The following RIMS2 variants were observed in gnomAD, a reference collection of about 807,000 sequenced individuals.
RIMS2 encodes regulating synaptic membrane exocytosis protein 2.
A neutral mutation model predicts 174.4 loss-of-function variants in RIMS2; 59 were observed. The ratio of observed to expected loss-of-function variants is 0.34; its 90% CI spans 0.27 to 0.42. RIMS2 has a LOEUF of 0.42. Ranked by LOEUF, RIMS2 falls within the 10% of genes least tolerant of loss-of-function variation. The probability of loss-of-function intolerance (pLI) is 1.00; values close to 1 mark genes in which losing one functional copy is unlikely to be tolerated. For missense variants in RIMS2, 1,620 were observed against 1,666.3 expected (o/e 0.97, Z 0.48); for synonymous variants, 606 against 572.5 (o/e 1.06, Z -0.84).
At chr8:104,164,965 C>G (rs531986674) in intron 19 of RIMS2, among the ~76,000 whole-genome samples, 1 of 151,984 alleles carries the variant, frequency 6.6e-6, no homozygotes, top group South Asian at 2.1e-4. Context: ...ACTTAAAATA[C>G]AAGTTAAAAA....
chr8:104,091,683 T>A (rs12155654), intron 19 of RIMS2, among the ~76,000 whole-genome samples: 41,861 of 150,418 alleles, frequency 0.28, 6,703 homozygotes, highest in African/African-American at 0.44. Flanking sequence ...TATAACATGG[T>A]TAATGTTGAC....
At chr8:104,191,600 CA>C (rs1194252078) in intron 19 of RIMS2, among the ~76,000 whole-genome samples, 1 of 152,106 alleles carries the variant, frequency 6.6e-6, no homozygotes, top group Non-Finnish European at 1.5e-5. Context: ...TTAGCCGTTT[CA>C]AGGAAATTAT....
At chr8:103,814,200 G>A (rs2098705149) in intron 3 of RIMS2, among the ~76,000 whole-genome samples, 2 of 152,092 alleles carry the variant, frequency 1.3e-5, no homozygotes, top group African/African-American at 4.8e-5. Flanking sequence ...TACATGATGA[G>A]AACACGTGGA....
At chr8:103,543,496 A>G (rs955359614) in intron 1 of RIMS2, among the ~76,000 whole-genome samples, 13 of 152,204 alleles carry the variant, frequency 8.5e-5, no homozygotes, top group African/African-American at 2.2e-4. Flanking sequence ...ACAGAAGCAG[A>G]AAAACAATCC....
intron 1 of RIMS2, among the ~76,000 whole-genome samples, chr8:103,554,020 C>G (rs1439128980): frequency 2.6e-5 from 4 of 152,118 alleles, no homozygotes; most frequent in Non-Finnish European, 5.9e-5. Context: ...AAGCTGGACC[C>G]CTTCCTTATA....
intron 19 of RIMS2, among the ~76,000 whole-genome samples, chr8:104,183,224 T>C (rs941539451): frequency 6.6e-6 from 1 of 151,780 alleles, no homozygotes; most frequent in South Asian, 2.1e-4. Flanking sequence ...TTTCTAATTA[T>C]TTAATCTATG....
chr8:103,814,282 G>A (rs1465021278), intron 3 of RIMS2, among the ~76,000 whole-genome samples: 1 of 151,902 alleles, frequency 6.6e-6, no homozygotes, highest in Non-Finnish European at 1.5e-5. Flanking sequence ...AGGTACAGGA[G>A]TAATAACTAA....
intron 1 of RIMS2, among the ~76,000 whole-genome samples, chr8:103,672,839 TA>T (rs1412460277): frequency 2.0e-5 from 3 of 152,202 alleles, no homozygotes; most frequent in African/African-American, 7.2e-5. Context: ...CCCAACATTG[TA>T]ACTTGTTCTA....
chr8:103,848,398 T>C (rs1323992661), intron 3 of RIMS2, among the ~76,000 whole-genome samples: 1 of 152,002 alleles, frequency 6.6e-6, no homozygotes, highest in Non-Finnish European at 1.5e-5. Context: ...TTAAGTAACT[T>C]GGTTGTCCAA....
chr8:104,215,814 C>T (rs1252430529), intron 19 of RIMS2, among the ~76,000 whole-genome samples: 1 of 152,230 alleles, frequency 6.6e-6, no homozygotes, highest in Admixed American at 6.5e-5. Context: ...GCCACTACCA[C>T]TGCCCTAGGG....
chr8:104,117,212 T>C (rs898310234), intron 19 of RIMS2, among the ~76,000 whole-genome samples: 11 of 152,090 alleles, frequency 7.2e-5, no homozygotes, highest in African/African-American at 2.7e-4. Flanking sequence ...ATTTATCACT[T>C]TGCATATATT....
rs4531015 is a variant in RIMS2, at chr8:103,960,379, A to G, written c.2702-686A>G. ...ATGGTGCTCTTGAATTGTAATAACTATGAGTGCCTTTCCTAGTCTATTTCT... is the reference window on the plus strand; with the variant it reads ...ATGGTGCTCTTGAATTGTAATAACTGTGAGTGCCTTTCCTAGTCTATTTCT... On this transcript the variant is annotated intron_variant, in intron 14 of 23. Coordinates refer to ENST00000504942, the Ensembl canonical transcript of RIMS2. Among the ~76,000 whole-genome samples the G allele has an allele frequency of 9.8e-3, 1,500 of 152,314 alleles. 19 individuals carry two copies. The highest frequency in any genetic ancestry group is 0.046 in the South Asian group (223 of 4,828).
At chr8:103,565,810 G>T (rs77861536) in intron 1 of RIMS2, among the ~76,000 whole-genome samples, 1 of 152,090 alleles carries the variant, frequency 6.6e-6, no homozygotes, top group Non-Finnish European at 1.5e-5. Flanking sequence ...CCACTGTCCC[G>T]GTTCTTGACA....
chr8:103,538,799 G>T lies in RIMS2; in HGVS notation c.176+37737G>T, dbSNP rs145001216. Among the ~76,000 whole-genome samples the T allele has an allele frequency of 4.2e-3, 637 of 152,286 alleles. 4 individuals carry two copies. Among genetic ancestry groups the T allele is most frequent in the African/African-American group, 0.015 (607 of 41,552 alleles). ...TGGGATTACAGGCATGAGCCACCAC[G>T]CCCAGCCTAGTCCATTGTATCATTC... is the stretch of plus-strand genomic sequence containing the variant. On this transcript the variant is annotated intron_variant, in intron 1 of 23. Coordinates refer to ENST00000504942, the Ensembl canonical transcript of RIMS2.
At chr8:103,844,042 A>G (rs1433876848) in intron 3 of RIMS2, among the ~76,000 whole-genome samples, 1 of 152,132 alleles carries the variant, frequency 6.6e-6, no homozygotes, top group Non-Finnish European at 1.5e-5. Context: ...TCCCTGCACA[A>G]GCTTTATTTG....
At chr8:104,031,419 C>G (rs1227277577) in intron 19 of RIMS2, among the ~76,000 whole-genome samples, 1 of 152,018 alleles carries the variant, frequency 6.6e-6, no homozygotes, top group Non-Finnish European at 1.5e-5. Context: ...CATACCTTGA[C>G]TGCATTCATT....
intron 1 of RIMS2, among the ~76,000 whole-genome samples, chr8:103,557,233 A>G (rs1354803165): frequency 1.3e-5 from 2 of 152,198 alleles, no homozygotes; most frequent in South Asian, 2.1e-4. Flanking sequence ...CAACACTGCA[A>G]TATAATCTCC....
chr8:103,788,977 G>A (rs185251345), intron 3 of RIMS2, among the ~76,000 whole-genome samples: 4,885 of 146,066 alleles, frequency 0.033, 111 homozygotes, highest in Middle Eastern at 0.059. Context: ...CTCGTGGTGC[G>A]CCGTTTTTTA....
At chr8:103,681,518 G>A (rs2096880250) in intron 1 of RIMS2, among the ~76,000 whole-genome samples, 1 of 151,756 alleles carries the variant, frequency 6.6e-6, no homozygotes, top group Admixed American at 6.6e-5. Flanking sequence ...GGATACCTAA[G>A]GTTTTAAAAA....
Sources: gnomAD v4.1 joint callset for allele counts (sites outside exome capture counted in the v4.1 genomes callset) on GRCh38, gnomAD v4.1.1 for gene constraint, MANE v1.5 for transcripts, NCBI Gene and HGNC (gene_info 2026-07-23, HGNC 2026-07-21) for gene names.